FBXL17: variants seen among roughly 807,000 people sequenced by gnomAD.
The protein encoded by FBXL17 is F-box/LRR-repeat protein 17.
In FBXL17, 22 loss-of-function variants were observed where a neutral mutation model predicts 66.2. The ratio of observed to expected loss-of-function variants is 0.33; its 90% CI spans 0.24 to 0.47. The LOEUF is 0.47. Among genes scored for constraint, FBXL17 ranks in the 20% least tolerant of loss-of-function variants. The pLI, the probability that FBXL17 is intolerant of heterozygous loss-of-function variation, is 1.00. For synonymous variants in FBXL17, 474 were observed against 400.5 expected, an observed-to-expected ratio of 1.18 and a Z score of -2.19; for missense variants, 878 against 948.2, an observed-to-expected ratio of 0.93 and a Z score of 0.97.
At chr5:108,126,631 G>GTCTCTCTGTCTCTCTCTCTCTCTC (rs1554067313) in intron 6 of FBXL17, among the ~76,000 whole-genome samples, 1 of 112,572 alleles carries the variant, frequency 8.9e-6, no homozygotes, top group East Asian at 3.2e-4. Context: ...CTGTCTCTCT[G>GTCTCTCTGTCTCTCTCTCTCTCTC]TCTCTCTCTC....
intron 8 of FBXL17, among the ~76,000 whole-genome samples, chr5:107,871,836 A>G (rs1281993118): frequency 6.6e-6 from 1 of 152,180 alleles, no homozygotes; most frequent in Non-Finnish European, 1.5e-5. Context: ...GTATTTATGG[A>G]ACACATCTGG....
rs1561365252 is a variant in FBXL17 at position 108,009,278 on chromosome 5, T to TAGATAGATAGATAG, written c.1822+11646_1822+11647insCTATCTATCTATCT. Among the ~76,000 whole-genome samples the TAGATAGATAGATAG allele has an allele frequency of 3.2e-4, 16 of 50,554 alleles. 2 individuals carry two copies. Among genetic ancestry groups the TAGATAGATAGATAG allele is most frequent in the South Asian group, 5.1e-4 (1 of 1,964 alleles). The allele number at this position is 50,554 out of a possible 152,430, so 33.2% of individuals were successfully genotyped here. A position where few individuals can be genotyped will look rare whatever the true frequency, so the allele number is the denominator to read the frequency against. On this transcript the variant is annotated intron_variant, in intron 7 of 8. Transcript: ENST00000542267. The stretch of plus-strand genomic sequence containing the variant: ...TCCCTGTTTTATATATATATATATA[T>TAGATAGATAGATAG]ATATATATATATATATATATATACA...
Position 108,149,289 on chromosome 5 carries a change from A to T in FBXL17, c.1745+36828T>A, listed in dbSNP as rs138488653. 8.8e-3 allele frequency among the ~76,000 whole-genome samples: 1,338 copies of T among 152,346 alleles called. 14 individuals carry two copies. The highest frequency in any genetic ancestry group is 0.013 in the Non-Finnish European group (859 of 68,026). The stretch of plus-strand genomic sequence containing the variant: ...AAAGCCTTAATTATGTAAGGAGAAA[A>T]ATCTTTTAATTTTTTATTTAATTTT... On this transcript the variant is annotated intron_variant, in intron 6 of 8. Transcript: ENST00000542267.
chr5:108,031,156 T>G (rs998084916), intron 6 of FBXL17, among the ~76,000 whole-genome samples: 1 of 152,038 alleles, frequency 6.6e-6, no homozygotes, highest in African/African-American at 2.4e-5. Context: ...TTAGTTGAGT[T>G]AGTAATTTAA....
intron 8 of FBXL17, among the ~76,000 whole-genome samples, chr5:107,871,057 CAAAAAAA>C (rs201752049): frequency 6.1e-5 from 4 of 65,886 alleles, no homozygotes; most frequent in Non-Finnish European, 8.1e-5. Context: ...TCTTGGGCGG[CAAAAAAA>C]AAAAAAAAAA....
At chr5:108,035,140 TATAA>T (rs1476179014) in intron 6 of FBXL17, among the ~76,000 whole-genome samples, 1 of 152,206 alleles carries the variant, frequency 6.6e-6, no homozygotes, top group African/African-American at 2.4e-5. Context: ...TATGTACCTT[TATAA>T]ATAGTTATGT....
At chr5:108,178,691 T>C (rs1458833913) in intron 6 of FBXL17, among the ~76,000 whole-genome samples, 1 of 152,214 alleles carries the variant, frequency 6.6e-6, no homozygotes, top group African/African-American at 2.4e-5. Context: ...CCAATAAGTA[T>C]GCAGACAGAT....
intron 7 of FBXL17, among the ~76,000 whole-genome samples, chr5:107,940,304 G>A (rs763109931): frequency 1.8e-4 from 27 of 152,002 alleles, no homozygotes; most frequent in Non-Finnish European, 3.5e-4. Flanking sequence ...CTTAGGCACT[G>A]TGAAAAATAC....
chr5:108,360,955 T>C (rs1390806246), intron 3 of FBXL17, among the ~76,000 whole-genome samples: 2 of 152,140 alleles, frequency 1.3e-5, no homozygotes, highest in African/African-American at 4.8e-5. Flanking sequence ...TTCATTGACA[T>C]TCTCAATTTG....
At chr5:108,376,850 G>C (rs541189740) in intron 1 of FBXL17, among the ~76,000 whole-genome samples, 1 of 144,758 alleles carries the variant, frequency 6.9e-6, no homozygotes, top group Non-Finnish European at 1.5e-5. Flanking sequence ...GCAGCGGTGT[G>C]ATCTCGGCTC....
chr5:108,079,014 AT>A (rs879294022), intron 6 of FBXL17, among the ~76,000 whole-genome samples: 86 of 147,320 alleles, frequency 5.8e-4, no homozygotes, highest in Middle Eastern at 3.5e-3. Flanking sequence ...GAACGATCTA[AT>A]TTTTTTTTTT....
intron 7 of FBXL17, among the ~76,000 whole-genome samples, chr5:107,919,243 C>T (rs1409704396): frequency 1.3e-5 from 2 of 152,186 alleles, no homozygotes; most frequent in African/African-American, 4.8e-5. Flanking sequence ...CTCATTTGCT[C>T]TTACACCCAT....
intron 6 of FBXL17, among the ~76,000 whole-genome samples, chr5:108,163,923 A>T (rs1297495226): frequency 1.3e-5 from 2 of 152,216 alleles, no homozygotes; most frequent in African/African-American, 4.8e-5. Flanking sequence ...TCTTAACGCA[A>T]CATGCTAGGT....
intron 5 of FBXL17, among the ~76,000 whole-genome samples, chr5:108,205,425 A>T (rs547363283): frequency 6.6e-6 from 1 of 152,146 alleles, no homozygotes; most frequent in East Asian, 1.9e-4. Context: ...TCATTCAATG[A>T]CCACTTCACA....
At chr5:107,975,868 T>G (rs1161322390) in intron 7 of FBXL17, among the ~76,000 whole-genome samples, 6 of 150,770 alleles carry the variant, frequency 4.0e-5, no homozygotes, top group Admixed American at 2.6e-4. Flanking sequence ...TTTTTTTTTT[T>G]TTTTTTTTTG....
chr5:108,002,894 T>C (rs1753790441), intron 7 of FBXL17, among the ~76,000 whole-genome samples: 1 of 152,168 alleles, frequency 6.6e-6, no homozygotes, highest in Non-Finnish European at 1.5e-5. Context: ...ATTAGTTGCC[T>C]GAAATTGAAC....
At chr5:108,241,670 A>G (rs1755860633) in intron 4 of FBXL17, among the ~76,000 whole-genome samples, 2 of 152,194 alleles carry the variant, frequency 1.3e-5, no homozygotes, top group East Asian at 3.9e-4. Flanking sequence ...TTTAACCCAA[A>G]GAAGAAAGAC....
intron 4 of FBXL17, among the ~76,000 whole-genome samples, chr5:108,316,112 C>T (rs1473343437): frequency 2.0e-5 from 3 of 151,242 alleles, no homozygotes; most frequent in Non-Finnish European, 3.0e-5. Context: ...TATTATGATA[C>T]ATGAAAAACT....
intron 1 of FBXL17, 106 bp downstream of exon 1, chr5:108,380,593 G>A (rs1749776426): frequency 7.3e-6 from 5 of 688,748 alleles, no homozygotes; most frequent in Non-Finnish European, 1.0e-5. Flanking sequence ...TAGGCTGCCA[G>A]GGAACCCCCC....
Sources: gnomAD v4.1 joint callset for allele counts (sites outside exome capture counted in the v4.1 genomes callset) on GRCh38, gnomAD v4.1.1 for gene constraint, MANE v1.5 for transcripts, NCBI Gene and HGNC (gene_info 2026-07-23, HGNC 2026-07-21) for gene names.